The following PSG9 variants were observed in gnomAD, a reference collection of about 807,000 sequenced individuals.
The protein encoded by PSG9 is pregnancy-specific beta-1-glycoprotein 9.
In PSG9, 49 loss-of-function variants were observed where a neutral mutation model predicts 41.9. The ratio of observed to expected loss-of-function variants is 1.17; its 90% CI spans 0.93 to 1.48. The LOEUF is 1.48. PSG9 is among the 40% of genes most tolerant of loss of function. The pLI is 0.00. For missense variants in PSG9, 641 were observed against 520.3 expected, an observed-to-expected ratio of 1.23 and a Z score of -2.26; for synonymous variants, 263 against 196.8, an observed-to-expected ratio of 1.34 and a Z score of -2.82.
chr19:43,258,509 T>C lies in PSG9; in HGVS notation c.989-53A>G, dbSNP rs565051658. ...TGATGTCATTCGAGGGAAGGGGATG[T>C]TCCTGGTCTCTTAAAGGGACACAGT... On this transcript the variant is annotated intron_variant, in intron 4 of 5. Transcript: ENST00000270077. The C allele has an allele frequency of 7.1e-5, 108 of 1,513,312 alleles. 11 individuals carry two copies. The highest frequency in any genetic ancestry group is 6.8e-4 in the East Asian group (25 of 36,870). 93.7% of individuals were successfully genotyped at this position (1,513,312 alleles called of 1,614,324 possible).
chr19:43,267,747 T>C (rs777400156), intron 2 of PSG9, 37 bp downstream of exon 2: 2 of 1,611,590 alleles, frequency 1.2e-6, no homozygotes, highest in South Asian at 2.2e-5. Flanking sequence ...AATGACCCCT[T>C]CCCCCCAACA....
intron 2 of PSG9, among the ~76,000 whole-genome samples, chr19:43,264,245 G>T (rs1240152729): frequency 1.3e-5 from 2 of 151,970 alleles, no homozygotes; most frequent in African/African-American, 4.8e-5. Flanking sequence ...CTTTGTAGTT[G>T]TCCCACAACT....
intron 3 of PSG9, chr19:43,259,461 T>C (rs202108757): frequency 1.3e-4 from 45 of 353,456 alleles, no homozygotes; most frequent in Middle Eastern, 8.0e-4. Context: ...CTGGCTCACC[T>C]TGGGTTCCTT....
At chr19:43,266,140 G>A (rs1250684091) in intron 2 of PSG9, among the ~76,000 whole-genome samples, 1 of 151,748 alleles carries the variant, frequency 6.6e-6, no homozygotes, top group African/African-American at 2.4e-5. Context: ...AGCAGTGAGG[G>A]AGACACTGAC....
chr19:43,264,276 T>C (rs1314491814), intron 2 of PSG9, among the ~76,000 whole-genome samples: 1 of 152,154 alleles, frequency 6.6e-6, no homozygotes, highest in African/African-American at 2.4e-5. Flanking sequence ...AAAATTGCTA[T>C]TGTCAAAACA....
chr19:43,253,554 T>A lies in PSG9; in HGVS notation c.*55A>T. On this transcript the variant is annotated 3_prime_UTR_variant, in exon 6 of 6. Transcript: ENST00000270077. ...CATTGAGTTTTTTTCTTCTTTGTCTTGAATTTCATGAAGGTATCAGCCTGT... is the reference window on the plus strand; with the variant it reads ...CATTGAGTTTTTTTCTTCTTTGTCTAGAATTTCATGAAGGTATCAGCCTGT... 3.0e-6 allele frequency: 2 copies of A among 663,088 alleles called. No individual in the cohort carries two copies. The highest frequency in any genetic ancestry group is 2.7e-6 in the Non-Finnish European group (1 of 371,576). 41.1% of individuals were successfully genotyped at this position (663,088 alleles called of 1,614,324 possible). A position where few individuals can be genotyped will look rare whatever the true frequency, so the allele number is the denominator to read the frequency against.
rs1239528843 is a variant in PSG9 at position 43,261,571 on chromosome 19, C to T, written c.709+289G>A. ...GAGCCAAGTCGCAACACTGAAGTCC[C>T]AGCCAAATCCCTGCTGTGTTCACTG... On this transcript the variant is annotated intron_variant, in intron 3 of 5. Coordinates refer to ENST00000270077, the MANE Select transcript of PSG9 (RefSeq NM_002784.5). Among the ~76,000 whole-genome samples, 3 of 152,182 alleles carry T rather than the reference C, an allele frequency of 2.0e-5. 1 individual carries two copies. Among genetic ancestry groups the T allele is most frequent in the Non-Finnish European group, 4.4e-5 (3 of 68,018 alleles).
intron 2 of PSG9, among the ~76,000 whole-genome samples, 160 bp downstream of exon 2, chr19:43,267,624 T>G (rs187797140): frequency 9.9e-4 from 151 of 152,176 alleles, no homozygotes; most frequent in African/African-American, 3.1e-3. Context: ...CTGTTGAAAT[T>G]TGTCTCCTCT....
At position 43,258,873 on chromosome 19, in the gene PSG9, G is replaced by A. The variant is rs745937029; in HGVS notation, c.972C>T (p.Val324=). ...DRYGGLRSNP[V]ILNVLYGPDL... ...GATACTCACAGAGGACATTTAGGAT[G>A]ACTGGGTTACTGCGGAGGCCACCAT... Residue 324 remains valine (V), a synonymous_variant, in exon 4 of 6, where the codon GTC becomes GTT. Transcript: ENST00000270077. 2.8e-5 allele frequency: 45 copies of A among 1,582,684 alleles called. 3 individuals are homozygous for A. The South Asian group carries it at 4.9e-4, about 17-fold the overall frequency.
At position 43,253,532 on chromosome 19, in the gene PSG9, T is replaced by C; in HGVS notation, c.*77A>G. The C allele has an allele frequency of 4.8e-6, 3 of 619,240 alleles. No individual in the cohort carries two copies. Among genetic ancestry groups the C allele is most frequent in the Non-Finnish European group, 2.9e-6 (1 of 347,190 alleles). 38.4% of individuals were successfully genotyped at this position (619,240 alleles called of 1,614,324 possible). A position where few individuals can be genotyped will look rare whatever the true frequency, so the allele number is the denominator to read the frequency against. ...TTTTGATTATTTAGTCCAATAACAT[T>C]GAGTTTTTTTCTTCTTTGTCTTGAA... is the stretch of plus-strand genomic sequence containing the variant. On this transcript the variant is annotated 3_prime_UTR_variant, in exon 6 of 6. Transcript: ENST00000270077.
chr19:43,258,756 A>T lies in PSG9; in HGVS notation c.988+101T>A, dbSNP rs992082856. 1.7e-5 allele frequency: 25 copies of T among 1,509,530 alleles called. 4 individuals are homozygous for T. The highest frequency in any genetic ancestry group is 1.1e-4 in the East Asian group (4 of 36,658). 93.5% of individuals were successfully genotyped at this position (1,509,530 alleles called of 1,614,324 possible). On this transcript the variant is annotated intron_variant, in intron 4 of 5. Transcript: ENST00000270077. ...GGCCACCTCGGATGTCTAGAAGTAA[A>T]GGTGTCTATACTTGGACCGGAGAGA... is the stretch of plus-strand genomic sequence containing the variant.
chr19:43,268,766 T>C (rs902636846), intron 1 of PSG9, among the ~76,000 whole-genome samples: 1 of 151,024 alleles, frequency 6.6e-6, no homozygotes, highest in Non-Finnish European at 1.5e-5. Context: ...ATTGTTGAGG[T>C]TTTTTGCTGA....
In PSG9 at chr19:43,266,030, G is replaced by A. The variant is rs573241379; in HGVS notation, c.430+1754C>T. ...ATGTCTGGGGAAGGCCTAGGGGTGG[G>A]GGAAGAAGCTGTGCAGGACAGGGCT... On this transcript the variant is annotated intron_variant, in intron 2 of 5. Coordinates refer to ENST00000270077, the MANE Select transcript of PSG9 (RefSeq NM_002784.5). 8.6e-5 allele frequency among the ~76,000 whole-genome samples: 13 copies of A among 151,818 alleles called. 1 individual carries two copies. Among genetic ancestry groups the A allele is most frequent in the African/African-American group, 1.9e-4 (8 of 41,284 alleles).
At chr19:43,260,429 C>A (rs1968656429) in intron 3 of PSG9, 1 of 147,978 alleles carries the variant, frequency 6.8e-6, no homozygotes, top group Non-Finnish European at 1.5e-5. Context: ...CTTCAGTGAG[C>A]ATTTCTTTTC....
chr19:43,255,842 A>C (rs1968426369), intron 5 of PSG9, among the ~76,000 whole-genome samples: 1 of 146,694 alleles, frequency 6.8e-6, no homozygotes, highest in African/African-American at 2.6e-5. Flanking sequence ...ATATTGCTGA[A>C]AGAAATGAAA....
chr19:43,265,470 C>T (rs1968922436), intron 2 of PSG9, among the ~76,000 whole-genome samples: 1 of 152,128 alleles, frequency 6.6e-6, no homozygotes, highest in Admixed American at 6.5e-5. Context: ...GTGGCCCCTA[C>T]CTGGAGGCAG....
chr19:43,258,514 G>C, intron 4 of PSG9, 58 bp from the exon 5 acceptor site: 1 of 1,507,374 alleles, frequency 6.6e-7, no homozygotes, highest in Non-Finnish European at 8.8e-7. Flanking sequence ...GGATGTTCCT[G>C]GTCTCTTAAA....
intron 3 of PSG9, 50 bp downstream of exon 3, chr19:43,261,810 T>A: frequency 6.2e-7 from 1 of 1,613,986 alleles, no homozygotes. Context: ...CCTCTGGCCA[T>A]GTGTATTTGG....
intron 1 of PSG9, 26 bp from the exon 2 acceptor site, chr19:43,268,175 A>G: frequency 6.4e-7 from 1 of 1,573,668 alleles, no homozygotes; most frequent in Non-Finnish European, 8.6e-7. Context: ...AGCATCAGTT[A>G]ATATTGAGAC....
Sources: allele counts gnomAD v4.1 joint callset (sites outside exome capture counted in the v4.1 genomes callset), GRCh38; gene constraint gnomAD v4.1.1; transcripts MANE v1.5; gene names NCBI Gene and HGNC (gene_info 2026-07-23, HGNC 2026-07-21).